ARHGAP36: variants seen among roughly 807,000 people sequenced by gnomAD.
The protein encoded by ARHGAP36 is rho GTPase-activating protein 36.
In ARHGAP36, 7 loss-of-function variants were observed where a neutral mutation model predicts 32.9. That is an observed-to-expected ratio of 0.21 (90% CI 0.12 to 0.40). The LOEUF (loss-of-function observed/expected upper bound fraction) is 0.40, where lower values mean the gene tolerates loss of function less well. ARHGAP36 is among the 10% of genes least tolerant of loss of function. The pLI is 1.00. For synonymous variants in ARHGAP36, 165 were observed against 168.3 expected (o/e 0.98, Z 0.15); for missense variants, 383 against 442.2 (o/e 0.87, Z 1.20).
At chrX:131,080,850 TA>T (rs1474871215) in intron 1 of ARHGAP36, among the ~76,000 whole-genome samples, 1 of 112,109 alleles carries the variant, frequency 8.9e-6, no homozygotes, top group Non-Finnish European at 1.9e-5. Flanking sequence ...CAAATGCTGT[TA>T]GCATTTGGGT....
At chrX:131,074,979 T>C (rs956239416) in intron 1 of ARHGAP36, among the ~76,000 whole-genome samples, 1 of 112,715 alleles carries the variant, frequency 8.9e-6, no homozygotes, top group African/African-American at 3.2e-5. Flanking sequence ...GTTCATCTTA[T>C]CCCATCTAGA....
intron 1 of ARHGAP36, among the ~76,000 whole-genome samples, chrX:131,076,101 G>C (rs746315932): frequency 1.8e-5 from 2 of 111,838 alleles, no homozygotes; most frequent in Admixed American, 1.9e-4. Flanking sequence ...TGATTCACTC[G>C]ACAAACACTT....
intron 1 of ARHGAP36, among the ~76,000 whole-genome samples, chrX:131,062,531 G>A (rs2079675248): frequency 9.0e-6 from 1 of 111,448 alleles, no homozygotes; most frequent in African/African-American, 3.3e-5. Context: ...GGTGGGAAGA[G>A]GAACAACTGG....
chrX:131,089,415 A>C lies in ARHGAP36; in HGVS notation c.*630A>C, dbSNP rs747178047. 1.8e-5 allele frequency: 2 copies of C among 113,074 alleles called. No individual in the cohort carries two copies. The highest frequency in any genetic ancestry group is 3.6e-4 in the South Asian group (1 of 2,764). The allele number at this position is 113,074 out of a possible 1,213,427, so 9.3% of individuals were successfully genotyped here. A position where few individuals can be genotyped will look rare whatever the true frequency, so the allele number is the denominator to read the frequency against. ...CCCAAAATTCTGTACAGTTTTGCTCAGGTCACGCCAACAGGGAAACCTCAA... is the reference window on the plus strand; with the variant it reads ...CCCAAAATTCTGTACAGTTTTGCTCCGGTCACGCCAACAGGGAAACCTCAA... On this transcript the variant is annotated 3_prime_UTR_variant, in exon 12 of 12. Transcript: ENST00000276211.
At chrX:131,058,564 G>A (rs1418652938) in intron 1 of ARHGAP36, 120 bp downstream of exon 1, 14 of 618,920 alleles carry the variant, frequency 2.3e-5, no homozygotes, top group East Asian at 4.4e-5. Flanking sequence ...CTTCCTGCTG[G>A]CTTTTAGCTA....
rs1034985041 is a variant in ARHGAP36, at chrX:131,058,406, G to A, written c.-181G>A. ...CGGGTCATGGCGTGGATACTGGACT[G>A]CCTTTTCGCCTCGGCCTTTGAGCCC... On this transcript the variant is annotated 5_prime_UTR_variant, in exon 1 of 12. Coordinates refer to ENST00000276211, the MANE Select transcript of ARHGAP36 (RefSeq NM_144967.4). 5.5e-5 allele frequency: 61 copies of A among 1,108,174 alleles called. No individual in the cohort carries two copies. Among genetic ancestry groups the A allele is most frequent in the Non-Finnish European group, 7.2e-5 (61 of 843,167 alleles). The allele number at this position is 1,108,174 out of a possible 1,213,427, so 91.3% of individuals were successfully genotyped here.
At chrX:131,070,211 G>A (rs974972377) in intron 1 of ARHGAP36, among the ~76,000 whole-genome samples, 4 of 112,526 alleles carry the variant, frequency 3.6e-5, no homozygotes, top group Admixed American at 1.9e-4. Flanking sequence ...GCTTCACTGC[G>A]GCTGAGGCTT....
chrX:131,061,243 G>A (rs1367609009), intron 1 of ARHGAP36, among the ~76,000 whole-genome samples: 4 of 109,149 alleles, frequency 3.7e-5, no homozygotes, highest in Non-Finnish European at 1.9e-5. Context: ...TTTACTTTAA[G>A]TTCTGGGATA....
intron 1 of ARHGAP36, among the ~76,000 whole-genome samples, chrX:131,072,486 G>A (rs1049957110): frequency 8.9e-6 from 1 of 112,402 alleles, no homozygotes; most frequent in Non-Finnish European, 1.9e-5. Flanking sequence ...CAGAAGGGAA[G>A]CAAAGTGCTG....
chrX:131,058,408 C>G lies in ARHGAP36; in HGVS notation c.-179C>G. 3 of 1,108,751 alleles carry G rather than the reference C, an allele frequency of 2.7e-6. No homozygotes were observed. The highest frequency in any genetic ancestry group is 3.6e-6 in the Non-Finnish European group (3 of 842,763). The allele number at this position is 1,108,751 out of a possible 1,213,427, so 91.4% of individuals were successfully genotyped here. A position where few individuals can be genotyped will look rare whatever the true frequency, so the allele number is the denominator to read the frequency against. On this transcript the variant is annotated 5_prime_UTR_variant, in exon 1 of 12. Transcript: ENST00000276211. ...GGTCATGGCGTGGATACTGGACTGC[C>G]TTTTCGCCTCGGCCTTTGAGCCCCG...
intron 1 of ARHGAP36, among the ~76,000 whole-genome samples, chrX:131,060,784 C>T (rs1462919404): frequency 8.9e-6 from 1 of 112,161 alleles, no homozygotes; most frequent in Non-Finnish European, 1.9e-5. Context: ...ATGTTGGGCC[C>T]TTAGGCTCAA....
In ARHGAP36 at chrX:131,081,543, C is replaced by A; in HGVS notation, c.-123C>A. 1 of 1,095,137 alleles carries A rather than the reference C, an allele frequency of 9.1e-7. No individual in the cohort carries two copies. The allele number at this position is 1,095,137 out of a possible 1,213,427, so 90.3% of individuals were successfully genotyped here. A position where few individuals can be genotyped will look rare whatever the true frequency, so the allele number is the denominator to read the frequency against. On this transcript the variant is annotated 5_prime_UTR_variant, in exon 2 of 12. The change creates a premature stop within an existing upstream ORF in the 5' untranslated region. Coordinates refer to ENST00000276211, the MANE Select transcript of ARHGAP36 (RefSeq NM_144967.4). ...TTTTAGCAAAAACAACCAGAGGCTG[C>A]TCTGCTTGAGGGTGAAGCCGCCTCC...
In ARHGAP36 at chrX:131,085,032, A is replaced by G. The variant is rs771362386; in HGVS notation, c.923A>G (p.Asp308Gly). The change falls in exon 7 of 12, where the codon GAT becomes GGT. Residue 308 changes from aspartate (D) to glycine (G), a missense_variant. Physicochemically the swap from Asp to Gly is moderately conservative, Grantham distance 94. Transcript: ENST00000276211. ...GACATGAAGGATTCTCTGCTGCCAG[A>G]TGATCTGTACATGTCATTCCTCCTG... Reference protein sequence around the residue: ...FRDMKDSLLPDDLYMSFLLTA... With the variant: ...FRDMKDSLLPGDLYMSFLLTA... 1 of 1,209,332 alleles carries G rather than the reference A, an allele frequency of 8.3e-7. No individual in the cohort carries two copies. Among genetic ancestry groups the G allele is most frequent in the East Asian group, 3.0e-5 (1 of 33,741 alleles).
intron 1 of ARHGAP36, among the ~76,000 whole-genome samples, chrX:131,064,096 G>A (rs1467456044): frequency 1.8e-5 from 2 of 111,512 alleles, no homozygotes; most frequent in Admixed American, 1.9e-4. Flanking sequence ...GAGTCATAGG[G>A]CAATCTTAGC....
At chrX:131,080,193 A>G (rs1383968705) in intron 1 of ARHGAP36, among the ~76,000 whole-genome samples, 1 of 111,707 alleles carries the variant, frequency 9.0e-6, no homozygotes, top group Non-Finnish European at 1.9e-5. Context: ...TACAGCTTCA[A>G]GAATATGACA....
intron 1 of ARHGAP36, among the ~76,000 whole-genome samples, chrX:131,080,852 G>C (rs2079792809): frequency 8.9e-6 from 1 of 111,736 alleles, no homozygotes; most frequent in Admixed American, 9.4e-5. Flanking sequence ...AATGCTGTTA[G>C]CATTTGGGTG....
At chrX:131,084,478 G>A in intron 5 of ARHGAP36, 71 bp downstream of exon 5, 3 of 1,143,536 alleles carry the variant, frequency 2.6e-6, no homozygotes, top group Non-Finnish European at 3.5e-6. Context: ...GGAAATGGGG[G>A]GAGAAAAGAG....
intron 1 of ARHGAP36, among the ~76,000 whole-genome samples, chrX:131,079,754 C>T: frequency 9.0e-6 from 1 of 111,082 alleles, no homozygotes; most frequent in Middle Eastern, 4.6e-3. Flanking sequence ...TATGTAACTA[C>T]TTCCTTTCTT....
rs151036602 is a variant in ARHGAP36, at chrX:131,084,640, G to A, written c.763G>A (p.Gly255Arg). ...TTTTCTTTCAGGCTTAAGCGCAGTG[G>A]GGATTTTTACCCTTGAATACTCCGT... is the stretch of plus-strand genomic sequence containing the variant. ...FIEKHGLSAV[G>R]IFTLEYSVQR... Residue 255 changes from glycine to arginine, a missense_variant, in exon 6 of 12, where the codon GGG (glycine) becomes AGG (arginine). By Grantham distance (125) the Gly-to-Arg change is moderately radical. Around this residue, in one of 2 missense-constraint regions of ARHGAP36, gnomAD observed 227 missense variants for 311.3 expected, o/e 0.73. Transcript: ENST00000276211. 2 of 1,210,322 alleles carry A rather than the reference G, an allele frequency of 1.7e-6. No individual in the cohort carries two copies. The highest frequency in any genetic ancestry group is 3.5e-5 in the African/African-American group (2 of 57,260).
Sources: allele counts gnomAD v4.1 joint callset (sites outside exome capture counted in the v4.1 genomes callset), GRCh38; gene constraint gnomAD v4.1.1; regional missense constraint gnomAD v4.1.1; transcripts MANE v1.5; gene names NCBI Gene and HGNC (gene_info 2026-07-23, HGNC 2026-07-21).